DPP8: variants seen among roughly 807,000 people sequenced by gnomAD.
The protein encoded by DPP8 is dipeptidyl peptidase 8.
In DPP8, 31 loss-of-function variants were observed where a neutral mutation model predicts 107.5. The ratio of observed to expected loss-of-function variants is 0.29; its 90% CI spans 0.22 to 0.39. The LOEUF (loss-of-function observed/expected upper bound fraction) is 0.39. Ranked by LOEUF, DPP8 falls within the 10% of genes least tolerant of loss-of-function variation. The pLI, the probability that DPP8 is intolerant of heterozygous loss-of-function variation, is 1.00. For missense variants in DPP8, 842 were observed against 1,076.1 expected (o/e 0.78, Z 3.04); for synonymous variants, 381 against 356.6 (o/e 1.07, Z -0.77).
At chr15:65,478,741 G>T in intron 11 of DPP8, 139 bp downstream of exon 11, 1 of 588,742 alleles carries the variant, frequency 1.7e-6, no homozygotes, top group Non-Finnish European at 2.9e-6. Flanking sequence ...ATGTATTTAT[G>T]TTTTAGTTTA....
intron 5 of DPP8, 54 bp from the exon 6 acceptor site, chr15:65,490,353 C>T: frequency 9.1e-7 from 1 of 1,095,934 alleles, no homozygotes; most frequent in Non-Finnish European, 1.4e-6. Context: ...TTCATAGGTA[C>T]AAAGCAAAAT....
Position 65,451,966 on chromosome 15 carries a change from G to A in DPP8, c.2408C>T (p.Pro803Leu). 1.3e-6 allele frequency: 2 copies of A among 1,591,792 alleles called. No individual in the cohort carries two copies. Among genetic ancestry groups the A allele is most frequent in the African/African-American group, 2.7e-5 (2 of 73,166 alleles). ...AAAAAAAGCTTGCACTTACTCAGAG[G>A]GGAACTTTTCTGCTTGCATGGCCAC... is the stretch of plus-strand genomic sequence containing the variant. ...GSVAMQAEKF[P>L]SEPNRLLLLH... The change falls in exon 18 of 20, where the codon CCC becomes CTC. Residue 803 changes from proline (P) to leucine (L), a missense_variant. By Grantham distance (98) the Pro-to-Leu change is moderately conservative. This residue lies in a region of DPP8 where 179 missense variants were observed against 318.0 expected (regional missense o/e 0.56). Coordinates refer to ENST00000300141, the MANE Select transcript of DPP8 (RefSeq NM_130434.5).
At chr15:65,451,306 T>C (rs944521459) in intron 18 of DPP8, among the ~76,000 whole-genome samples, 196 bp from the exon 19 acceptor site, 3 of 152,208 alleles carry the variant, frequency 2.0e-5, no homozygotes, top group African/African-American at 7.2e-5. Context: ...AAAAAGATCT[T>C]GTGTTCAATT....
chr15:65,471,513 ATT>A (rs35149810), intron 12 of DPP8, among the ~76,000 whole-genome samples: 10 of 125,222 alleles, frequency 8.0e-5, no homozygotes, highest in Non-Finnish European at 1.2e-4. Context: ...TAACCAGCCT[ATT>A]TTTTTTTTTT....
chr15:65,447,033 CAA>C (rs71817756), intron 19 of DPP8, 27 bp from the exon 20 acceptor site: 1,119 of 1,165,430 alleles, frequency 9.6e-4, no homozygotes, highest in South Asian at 2.0e-3. Context: ...AATAAAGATA[CAA>C]AAAAAAAAAA....
intron 3 of DPP8, among the ~76,000 whole-genome samples, chr15:65,504,487 T>C (rs1470038056): frequency 1.3e-5 from 2 of 150,834 alleles, no homozygotes; most frequent in Non-Finnish European, 2.9e-5. Context: ...CTGGCCAACA[T>C]GGTGAAACCC....
chr15:65,479,091 A>G, intron 10 of DPP8, 52 bp from the exon 11 acceptor site: 1 of 1,281,154 alleles, frequency 7.8e-7, no homozygotes, highest in Non-Finnish European at 1.1e-6. Context: ...ATACTACATA[A>G]TTCAATTAGG....
At position 65,446,454 on chromosome 15, in the gene DPP8, G is replaced by A. The variant is rs1436253536; in HGVS notation, c.*430C>T. 6.5e-6 allele frequency: 1 copy of A among 152,680 alleles called. No homozygotes were observed. The highest frequency in any genetic ancestry group is 1.5e-5 in the Non-Finnish European group (1 of 68,102). 9.5% of individuals were successfully genotyped at this position (152,680 alleles called of 1,614,324 possible). On this transcript the variant is annotated 3_prime_UTR_variant, in exon 20 of 20. Coordinates refer to ENST00000300141, the MANE Select transcript of DPP8 (RefSeq NM_130434.5). ...ATTACATTTAAGTGCTATCAAATCT[G>A]TAACTAGTCAAAGATTCTGGAACTG... is the stretch of plus-strand genomic sequence containing the variant.
chr15:65,482,534 C>T (rs1446894942), intron 8 of DPP8, among the ~76,000 whole-genome samples: 2 of 151,980 alleles, frequency 1.3e-5, no homozygotes, highest in African/African-American at 4.8e-5. Context: ...TGCCTGTCTG[C>T]CAAATAGTTG....
At chr15:65,506,363 T>C (rs2069988529) in intron 3 of DPP8, among the ~76,000 whole-genome samples, 1 of 151,920 alleles carries the variant, frequency 6.6e-6, no homozygotes, top group African/African-American at 2.4e-5. Flanking sequence ...AAATAAATAC[T>C]CACTGTAAAA....
intron 8 of DPP8, among the ~76,000 whole-genome samples, chr15:65,483,849 T>A (rs1239118296): frequency 6.6e-6 from 1 of 152,072 alleles, no homozygotes; most frequent in Non-Finnish European, 1.5e-5. Context: ...ACCTGATAAA[T>A]ACAATATGGT....
chr15:65,515,348 T>G (rs1291340830), intron 1 of DPP8, among the ~76,000 whole-genome samples: 1 of 152,202 alleles, frequency 6.6e-6, no homozygotes, highest in Admixed American at 6.5e-5. Context: ...TGCATACACA[T>G]GCATACTTGC....
chr15:65,485,105 T>C lies in DPP8; in HGVS notation c.1011A>G (p.Glu337=). 1 of 1,609,240 alleles carries C rather than the reference T, an allele frequency of 6.2e-7. No individual in the cohort carries two copies. Among genetic ancestry groups the C allele is most frequent in the African/African-American group, 1.3e-5 (1 of 74,964 alleles). The part of the protein sequence containing the change: ...FKMSEIMIDA[E]GRIIDVIDKE... ...CTCAGCATTTTATACTTACCCTTCC[T>C]TCAGCATCAATCATTATTTCTGACA... Residue 337 remains glutamate, a synonymous_variant, in exon 8 of 20, where the codon GAA becomes GAG. Coordinates refer to ENST00000300141, the MANE Select transcript of DPP8 (RefSeq NM_130434.5).
At chr15:65,466,353 G>T (rs569635182) in intron 14 of DPP8, among the ~76,000 whole-genome samples, 1 of 152,196 alleles carries the variant, frequency 6.6e-6, no homozygotes, top group South Asian at 2.1e-4. Context: ...GGCCAGGCTG[G>T]TCCCGAACTC....
intron 12 of DPP8, among the ~76,000 whole-genome samples, chr15:65,469,751 C>T (rs932058935): frequency 7.3e-5 from 11 of 151,472 alleles, no homozygotes; most frequent in Admixed American, 2.6e-4. Context: ...CATAAGAATC[C>T]CTTGAACTCA....
At chr15:65,452,247 G>C in intron 17 of DPP8, 145 bp from the exon 18 acceptor site, 2 of 860,504 alleles carry the variant, frequency 2.3e-6, no homozygotes, top group East Asian at 3.0e-5. Context: ...AGGCAACTCA[G>C]AATACGAAGT....
rs186801206 is a variant in DPP8, at chr15:65,513,840, A to T, written c.-11-1276T>A. Among the ~76,000 whole-genome samples the T allele has an allele frequency of 4.6e-5, 7 of 152,366 alleles. No individual in the cohort carries two copies. The East Asian group carries it at 1.3e-3, about 29-fold the overall frequency. ...GTACCAAATAACAAAAAGTGTTATC[A>T]CAAACCAGTGTGTATTCCAACATAT... On this transcript the variant is annotated intron_variant, in intron 1 of 19. Transcript: ENST00000300141.
At position 65,488,529 on chromosome 15, in the gene DPP8, G is replaced by A. The variant is rs867234331; in HGVS notation, c.827-711C>T. ...AGGCTGAGGTGAGAGGATTGCTTGAGCCCGGGAGGCAGACTTTGCAGTGAG... is the reference window on the plus strand; with the variant it reads ...AGGCTGAGGTGAGAGGATTGCTTGAACCCGGGAGGCAGACTTTGCAGTGAG... On this transcript the variant is annotated intron_variant, in intron 6 of 19. Transcript: ENST00000300141. Among the ~76,000 whole-genome samples, 6 of 145,824 alleles carry A rather than the reference G, an allele frequency of 4.1e-5. No homozygotes were observed. In the South Asian group the frequency reaches 8.6e-4, roughly 21 times the overall value.
At chr15:65,506,824 A>G (rs1464696009) in intron 3 of DPP8, among the ~76,000 whole-genome samples, 3 of 151,566 alleles carry the variant, frequency 2.0e-5, no homozygotes, top group Non-Finnish European at 2.9e-5. Context: ...TTGATTTTAC[A>G]TAAATGGAAT....
Sources: allele counts gnomAD v4.1 joint callset (sites outside exome capture counted in the v4.1 genomes callset), GRCh38; gene constraint gnomAD v4.1.1; regional missense constraint gnomAD v4.1.1; transcripts MANE v1.5; gene names NCBI Gene and HGNC (gene_info 2026-07-23, HGNC 2026-07-21).